Variants in TBC1D31 observed in about 807,000 individuals in gnomAD.
The protein encoded by TBC1D31 is WD repeat domain 67.
Under a neutral mutation model 132.9 loss-of-function variants are expected in TBC1D31, and 99 were observed. The ratio of observed to expected loss-of-function variants is 0.74; its 90% confidence interval spans 0.63 to 0.88. TBC1D31 has a LOEUF of 0.88. Ranked by LOEUF, TBC1D31 falls within the 40% of genes least tolerant of loss-of-function variation. TBC1D31 has a pLI of 0.00. For synonymous variants in TBC1D31, 385 were observed against 419.4 expected (o/e 0.92, Z 1.00); for missense variants, 1,134 against 1,256.6 (o/e 0.90, Z 1.48).
chr8:123,163,894 A>G, the TBC1D31 span, among the ~76,000 whole-genome samples: 1 of 152,160 alleles, frequency 6.6e-6, no homozygotes, highest in Non-Finnish European at 1.5e-5. Flanking sequence ...AACCATTGCT[A>G]CTTTCTAGCT....
intron 11 of TBC1D31, among the ~76,000 whole-genome samples, chr8:123,124,529 A>G (rs1351080348): frequency 7.2e-5 from 11 of 152,166 alleles, no homozygotes; most frequent in Non-Finnish European, 1.6e-4. Context: ...TGAAGATTGT[A>G]AGGATCAGGC....
At chr8:123,131,479 CATT>C (rs1406257341) in intron 16 of TBC1D31, among the ~76,000 whole-genome samples, 3 of 150,948 alleles carry the variant, frequency 2.0e-5, no homozygotes, top group African/African-American at 7.3e-5. Context: ...GGATTATTCT[CATT>C]ATACATTGTT....
At chr8:123,078,173 G>A (rs1388794533) in intron 2 of TBC1D31, among the ~76,000 whole-genome samples, 1 of 152,216 alleles carries the variant, frequency 6.6e-6, no homozygotes, top group African/African-American at 2.4e-5. Flanking sequence ...GGCTAAGAGG[G>A]AAGGACAGCT....
intron 7 of TBC1D31, among the ~76,000 whole-genome samples, chr8:123,102,066 A>G (rs1452398383): frequency 2.0e-5 from 3 of 152,110 alleles, no homozygotes; most frequent in African/African-American, 7.2e-5. Flanking sequence ...TTATTTCTGC[A>G]TCTATTATCC....
intron 11 of TBC1D31, among the ~76,000 whole-genome samples, chr8:123,122,793 C>T (rs1819620845): frequency 6.6e-6 from 1 of 152,108 alleles, no homozygotes; most frequent in Admixed American, 6.5e-5. Context: ...AATCTTGTTA[C>T]ATAGCTAAAA....
At chr8:123,131,786 C>A (rs1417582509) in intron 16 of TBC1D31, among the ~76,000 whole-genome samples, 2 of 151,982 alleles carry the variant, frequency 1.3e-5, no homozygotes, top group Non-Finnish European at 2.9e-5. Flanking sequence ...GTAAGAGTAC[C>A]CACTCCCTAG....
At position 123,126,197 on chromosome 8, in the gene TBC1D31, G is replaced by T; in HGVS notation, c.1704+8G>T. ...CATGATATAACCTCCCAGGTAAGAA[G>T]CATAAGGTTTTTAGAATAACATGCC... is the stretch of plus-strand genomic sequence containing the variant. On this transcript the variant is annotated splice_region_variant and intron_variant, in intron 12 of 21. Transcript: ENST00000287380. The T allele has an allele frequency of 1.9e-6, 3 of 1,600,288 alleles. No individual in the cohort carries two copies. Among genetic ancestry groups the T allele is most frequent in the Non-Finnish European group, 2.6e-6 (3 of 1,175,690 alleles).
intron 4 of TBC1D31, among the ~76,000 whole-genome samples, chr8:123,088,522 T>C (rs1816008887): frequency 1.3e-5 from 2 of 152,204 alleles, no homozygotes; most frequent in Admixed American, 1.3e-4. Flanking sequence ...AACTGTAACC[T>C]TAATATTAAA....
rs115250191 is a variant in TBC1D31, at chr8:123,148,438, G to A, written c.2975-1598G>A. 7.5e-3 allele frequency among the ~76,000 whole-genome samples: 1,134 copies of A among 152,128 alleles called. 15 individuals are homozygous for A. The highest frequency in any genetic ancestry group is 0.027 in the African/African-American group (1,101 of 41,518). ...TTGAATTTTGGAGGACAGATGAGAG[G>A]GAGCTGTGAGATCTCAGCTCTGGCT... On this transcript the variant is annotated intron_variant, in intron 20 of 21. Coordinates refer to ENST00000287380, the MANE Select transcript of TBC1D31 (RefSeq NM_145647.4).
intron 1 of TBC1D31, chr8:123,074,905 G>C (rs535874926): frequency 1.3e-5 from 2 of 152,328 alleles, no homozygotes; most frequent in East Asian, 3.9e-4. Flanking sequence ...TTGTGTTTGA[G>C]AACTGAGGAA....
intron 13 of TBC1D31, among the ~76,000 whole-genome samples, chr8:123,127,209 A>C (rs2130784737): frequency 6.6e-6 from 1 of 151,808 alleles, no homozygotes; most frequent in South Asian, 2.1e-4. Flanking sequence ...GTAGTCTTAT[A>C]ATCATAGCTT....
chr8:123,150,161 C>A (rs767458895), intron 21 of TBC1D31, 33 bp downstream of exon 21: 3 of 1,537,814 alleles, frequency 2.0e-6, no homozygotes. Context: ...GTTATTCTGC[C>A]ATTTTAAATT....
intron 12 of TBC1D31, 66 bp downstream of exon 12, chr8:123,126,255 AAC>A: frequency 6.5e-7 from 1 of 1,529,182 alleles, no homozygotes; most frequent in Non-Finnish European, 8.8e-7. Context: ...TTCTGGTATA[AAC>A]AGTCTTTTCT....
At chr8:123,090,334 T>C (rs7814110) in intron 4 of TBC1D31, among the ~76,000 whole-genome samples, 151,836 of 152,316 alleles carry the variant, frequency 1, 75,682 homozygotes, top group East Asian at 1. Flanking sequence ...TTATCTAAAG[T>C]CTTACTGCTT....
intron 3 of TBC1D31, 194 bp from the exon 4 acceptor site, chr8:123,083,968 T>C: frequency 2.0e-6 from 1 of 501,854 alleles, no homozygotes; most frequent in South Asian, 3.5e-5. Flanking sequence ...CCTACATGAA[T>C]GAGATGTTGC....
intron 10 of TBC1D31, among the ~76,000 whole-genome samples, chr8:123,110,943 G>T (rs762988358): frequency 4.0e-4 from 61 of 151,920 alleles, no homozygotes; most frequent in Admixed American, 7.9e-4. Context: ...CAATTTATTT[G>T]TTGGAGAAAC....
chr8:123,091,115 T>C (rs1242540885), intron 4 of TBC1D31, among the ~76,000 whole-genome samples: 1 of 152,146 alleles, frequency 6.6e-6, no homozygotes, highest in Non-Finnish European at 1.5e-5. Flanking sequence ...ACTTTGTTAA[T>C]GTTTTGAAGT....
intron 17 of TBC1D31, among the ~76,000 whole-genome samples, chr8:123,134,778 A>G (rs1241484398): frequency 6.6e-6 from 1 of 152,232 alleles, no homozygotes; most frequent in African/African-American, 2.4e-5. Flanking sequence ...AGGATTTTTT[A>G]CCAACTTACT....
At chr8:123,102,026 C>G (rs896530849) in intron 7 of TBC1D31, among the ~76,000 whole-genome samples, 3 of 152,146 alleles carry the variant, frequency 2.0e-5, no homozygotes, top group African/African-American at 7.2e-5. Context: ...GAACTTATAG[C>G]TTCCCTCATT....
Sources: gnomAD v4.1 joint callset for allele counts (sites outside exome capture counted in the v4.1 genomes callset) on GRCh38, gnomAD v4.1.1 for gene constraint, MANE v1.5 for transcripts, NCBI Gene and HGNC (gene_info 2026-07-23, HGNC 2026-07-21) for gene names.